Variants in TAFA2 observed in about 807,000 individuals in gnomAD.
TAFA2 encodes TAFA chemokine like family member 2, also known as chemokine-like protein TAFA-2.
A neutral mutation model predicts 18.8 loss-of-function variants in TAFA2; 7 were observed. The observed-to-expected ratio is 0.37, with a 90% CI of 0.21 to 0.70. The LOEUF (loss-of-function observed/expected upper bound fraction) is 0.70. Among genes scored for constraint, TAFA2 ranks in the 30% least tolerant of loss-of-function variants. TAFA2 has a pLI of 0.53. For missense variants in TAFA2, 122 were observed against 158.1 expected (o/e 0.77, Z 1.23); for synonymous variants, 60 against 54.2 (o/e 1.11, Z -0.47).
intron 1 of TAFA2, among the ~76,000 whole-genome samples, chr12:62,123,380 T>C (rs1870298629): frequency 6.6e-6 from 1 of 151,714 alleles, no homozygotes; most frequent in African/African-American, 2.4e-5. Flanking sequence ...GCCTGTAAGG[T>C]AATAGACTGA....
At chr12:62,129,223 T>C (rs991000035) in intron 1 of TAFA2, among the ~76,000 whole-genome samples, 3 of 152,070 alleles carry the variant, frequency 2.0e-5, no homozygotes, top group Admixed American at 1.3e-4. Flanking sequence ...AATAAAAGCA[T>C]AGTACACTGT....
chr12:62,018,923 C>T (rs541337754), intron 1 of TAFA2, among the ~76,000 whole-genome samples: 116 of 152,262 alleles, frequency 7.6e-4, no homozygotes, highest in African/African-American at 2.7e-3. Context: ...GCTCTCTACT[C>T]ATCTGACAAA....
chr12:62,220,129 C>A (rs1361603939), intron 1 of TAFA2, among the ~76,000 whole-genome samples: 1 of 151,642 alleles, frequency 6.6e-6, no homozygotes, highest in Non-Finnish European at 1.5e-5. Context: ...ATAAAAAAAA[C>A]CTAATGAAGT....
At chr12:61,730,978 T>C (rs1870415389) in intron 4 of TAFA2, among the ~76,000 whole-genome samples, 1 of 152,132 alleles carries the variant, frequency 6.6e-6, no homozygotes, top group Non-Finnish European at 1.5e-5. Flanking sequence ...GTTGAAATTA[T>C]TACAAAGTTC....
chr12:62,025,687 C>T (rs529837803), intron 1 of TAFA2, among the ~76,000 whole-genome samples: 38 of 152,092 alleles, frequency 2.5e-4, no homozygotes, highest in African/African-American at 8.9e-4. Context: ...TTTTAACTTG[C>T]TTTGTGTAAC....
In TAFA2 at chr12:61,881,144, T is replaced by G. The variant is rs559277686; in HGVS notation, c.-1-13718A>C. 5.3e-5 allele frequency among the ~76,000 whole-genome samples: 8 copies of G among 152,288 alleles called. No homozygotes were observed. In the South Asian group the frequency reaches 1.7e-3, roughly 32 times the overall value. On this transcript the variant is annotated intron_variant, in intron 1 of 4. Coordinates refer to ENST00000416284, the MANE Select transcript of TAFA2 (RefSeq NM_178539.5). ...TGAAAAAAGATGCCTTGGCCATGGG[T>G]TTGTTTTAAATGCTAAACAAGAGAG...
chr12:62,128,033 T>A (rs1003171721), intron 1 of TAFA2, among the ~76,000 whole-genome samples: 2 of 151,248 alleles, frequency 1.3e-5, no homozygotes, highest in African/African-American at 2.4e-5. Context: ...AGAAAAAAAA[T>A]GGGTAGGGAA....
chr12:62,159,518 T>G (rs2136928507), intron 1 of TAFA2, among the ~76,000 whole-genome samples: 1 of 152,296 alleles, frequency 6.6e-6, no homozygotes, highest in Non-Finnish European at 1.5e-5. Context: ...AATAAATATT[T>G]TTACAGTAGA....
In TAFA2 at chr12:61,859,644, G is replaced by A. The variant is rs575354340; in HGVS notation, c.106+7676C>T. ...TTTTTAGTAGAGACAGGGTTTCGCC[G>A]TATTGGCCAGGCTGGTCTCAAACTC... On this transcript the variant is annotated intron_variant, in intron 2 of 4. Transcript: ENST00000416284. Among the ~76,000 whole-genome samples, 550 of 152,094 alleles carry A rather than the reference G, an allele frequency of 3.6e-3. 1 individual carries two copies. The highest frequency in any genetic ancestry group is 6.3e-3 in the Non-Finnish European group (425 of 67,978).
chr12:61,935,457 G>A (rs1877723206), intron 1 of TAFA2, among the ~76,000 whole-genome samples: 1 of 152,098 alleles, frequency 6.6e-6, no homozygotes, highest in Non-Finnish European at 1.5e-5. Flanking sequence ...ATCTTACCAA[G>A]AGTTGATGTG....
intron 2 of TAFA2, among the ~76,000 whole-genome samples, chr12:61,851,668 C>T (rs1262017115): frequency 6.7e-6 from 1 of 150,072 alleles, no homozygotes; most frequent in Non-Finnish European, 1.5e-5. Context: ...CCAGCAACTC[C>T]GGAGGCTGAG....
At chr12:62,234,993 G>C (rs1192057525) in intron 1 of TAFA2, 1 of 659,938 alleles carries the variant, frequency 1.5e-6, no homozygotes, top group African/African-American at 1.8e-5. Flanking sequence ...AGAAGGTACT[G>C]TCGAGAGGCC....
At chr12:62,180,682 T>C (rs2062546155) in intron 1 of TAFA2, among the ~76,000 whole-genome samples, 1 of 152,220 alleles carries the variant, frequency 6.6e-6, no homozygotes, top group African/African-American at 2.4e-5. Flanking sequence ...ATGAAATCAA[T>C]AAATATCTGA....
At chr12:62,100,138 T>TAA (rs1869127763) in intron 1 of TAFA2, among the ~76,000 whole-genome samples, 1 of 145,674 alleles carries the variant, frequency 6.9e-6, no homozygotes, top group Non-Finnish European at 1.5e-5. Flanking sequence ...CAACTCCCTC[T>TAA]ACACACACAC....
At chr12:62,058,300 G>A (rs1882240164) in intron 1 of TAFA2, among the ~76,000 whole-genome samples, 1 of 152,124 alleles carries the variant, frequency 6.6e-6, no homozygotes, top group Admixed American at 6.6e-5. Context: ...CTAAGGAGTA[G>A]AATCTTTCAT....
At chr12:61,739,592 A>G (rs1485808259) in intron 4 of TAFA2, among the ~76,000 whole-genome samples, 4 of 152,044 alleles carry the variant, frequency 2.6e-5, no homozygotes, top group Admixed American at 1.3e-4. Flanking sequence ...GTACAACGTG[A>G]ATTATTTTAA....
intron 1 of TAFA2, among the ~76,000 whole-genome samples, chr12:62,201,294 G>A (rs1325127255): frequency 6.6e-6 from 1 of 152,182 alleles, no homozygotes; most frequent in African/African-American, 2.4e-5. Context: ...GGAGTGGTAA[G>A]AGAGGGCATC....
chr12:62,228,836 T>C (rs1308374307), intron 1 of TAFA2, among the ~76,000 whole-genome samples: 1 of 152,194 alleles, frequency 6.6e-6, no homozygotes, highest in African/African-American at 2.4e-5. Context: ...ATATTAACTC[T>C]TCTAATTAAT....
intron 2 of TAFA2, among the ~76,000 whole-genome samples, chr12:61,815,698 T>C (rs797002001): frequency 3.3e-5 from 5 of 151,174 alleles, no homozygotes; most frequent in African/African-American, 1.2e-4. Flanking sequence ...AATCTATTTA[T>C]TGGGGGCTCA....
Sources: gnomAD v4.1 joint callset for allele counts (sites outside exome capture counted in the v4.1 genomes callset) on GRCh38, gnomAD v4.1.1 for gene constraint, MANE v1.5 for transcripts, NCBI Gene and HGNC (gene_info 2026-07-23, HGNC 2026-07-21) for gene names.